Variants in TTC7B observed in about 807,000 individuals in gnomAD.
The protein encoded by TTC7B is tetratricopeptide repeat protein 7B.
TTC7B carries 28 observed loss-of-function variants against 106.8 expected under a neutral mutation model. That is an observed-to-expected ratio of 0.26 (90% CI 0.19 to 0.36). The LOEUF (loss-of-function observed/expected upper bound fraction) is 0.36. Among genes scored for constraint, TTC7B ranks in the 10% least tolerant of loss-of-function variants. The probability of loss-of-function intolerance (pLI) is 1.00; values close to 1 mark genes in which losing one functional copy is unlikely to be tolerated. For synonymous variants in TTC7B, 405 were observed against 430.6 expected, an observed-to-expected ratio of 0.94 and a Z score of 0.74; for missense variants, 862 against 1,076.4, an observed-to-expected ratio of 0.80 and a Z score of 2.79.
Position 90,538,479 on chromosome 14 carries a change from G to A in TTC7B, c.*2889C>T, listed in dbSNP as rs1448170173. On this transcript the variant is annotated 3_prime_UTR_variant, in exon 20 of 20. Transcript: ENST00000328459. The stretch of plus-strand genomic sequence containing the variant: ...AGAGTCTGGTTCCAGGCAAGGGCTT[G>A]AGAAGCCATCAGGGGTTTATAGAGA... The A allele has an allele frequency of 6.6e-6, 1 of 152,434 alleles. No individual in the cohort carries two copies. The highest frequency in any genetic ancestry group is 2.1e-4 in the South Asian group (1 of 4,834). 9.4% of individuals were successfully genotyped at this position (152,434 alleles called of 1,614,324 possible).
intron 1 of TTC7B, among the ~76,000 whole-genome samples, chr14:90,786,806 C>A (rs1270806685): frequency 6.6e-6 from 1 of 152,142 alleles, no homozygotes; most frequent in African/African-American, 2.4e-5. Flanking sequence ...GTCTCAAACT[C>A]CTGACCTCAG....
intron 1 of TTC7B, among the ~76,000 whole-genome samples, chr14:90,798,728 AAAAAC>A (rs1400234938): frequency 2.0e-5 from 3 of 150,488 alleles, no homozygotes; most frequent in African/African-American, 7.4e-5. Context: ...AAAAAAAAAA[AAAAAC>A]ACGCAATAAC....
intron 3 of TTC7B, among the ~76,000 whole-genome samples, chr14:90,766,009 A>AC (rs1890663682): frequency 6.6e-6 from 1 of 152,128 alleles, no homozygotes; most frequent in African/African-American, 2.4e-5. Flanking sequence ...AAAGGCAACT[A>AC]CATACATGGG....
chr14:90,558,378 A>G (rs1890415019), intron 19 of TTC7B, among the ~76,000 whole-genome samples: 2 of 152,234 alleles, frequency 1.3e-5, no homozygotes, highest in African/African-American at 4.8e-5. Flanking sequence ...GCTCTGCTTT[A>G]GGGCTGCGCC....
intron 3 of TTC7B, among the ~76,000 whole-genome samples, chr14:90,769,788 A>T (rs1330137085): frequency 6.6e-6 from 1 of 152,162 alleles, no homozygotes; most frequent in Non-Finnish European, 1.5e-5. Context: ...AAACAAAAAG[A>T]TATTCATGCA....
At chr14:90,690,513 G>A (rs771139782) in intron 6 of TTC7B, among the ~76,000 whole-genome samples, 1 of 152,118 alleles carries the variant, frequency 6.6e-6, no homozygotes, top group Admixed American at 6.5e-5. Flanking sequence ...AAGAATGTGT[G>A]GTATGTACTA....
chr14:90,680,385 A>C, intron 8 of TTC7B, 87 bp downstream of exon 8: 1 of 991,374 alleles, frequency 1.0e-6, no homozygotes, highest in Non-Finnish European at 1.6e-6. Flanking sequence ...CTTAAGAAAA[A>C]GAGTCATGAT....
intron 1 of TTC7B, among the ~76,000 whole-genome samples, chr14:90,787,206 T>A (rs1298056365): frequency 6.6e-6 from 1 of 152,178 alleles, no homozygotes. Context: ...CATGAAGCTT[T>A]TACTCCCGAG....
intron 15 of TTC7B, among the ~76,000 whole-genome samples, chr14:90,625,625 C>A (rs780569423): frequency 6.6e-6 from 1 of 152,178 alleles, no homozygotes; most frequent in East Asian, 1.9e-4. Flanking sequence ...CAGCTGTGCA[C>A]GTCCTGGAGC....
intron 15 of TTC7B, among the ~76,000 whole-genome samples, chr14:90,623,756 C>T (rs1000245919): frequency 1.3e-5 from 2 of 152,216 alleles, no homozygotes; most frequent in African/African-American, 4.8e-5. Context: ...CGCTGTGGCT[C>T]ACGCCTGTTG....
intron 4 of TTC7B, among the ~76,000 whole-genome samples, chr14:90,734,235 A>G (rs1889431545): frequency 6.6e-6 from 1 of 152,116 alleles, no homozygotes. Context: ...CCTGGCCAAC[A>G]TGGCAAAACC....
At chr14:90,704,320 C>T (rs551979502) in intron 5 of TTC7B, among the ~76,000 whole-genome samples, 4 of 152,174 alleles carry the variant, frequency 2.6e-5, no homozygotes, top group South Asian at 2.1e-4. Context: ...GAATCTGAAC[C>T]GGTTTCTACG....
At chr14:90,646,408 C>A (rs766356622) in intron 14 of TTC7B, among the ~76,000 whole-genome samples, 1 of 152,244 alleles carries the variant, frequency 6.6e-6, no homozygotes, top group African/African-American at 2.4e-5. Context: ...ACTTGCCCCT[C>A]CCGCAAGGAG....
chr14:90,710,865 C>A (rs1015627320), intron 5 of TTC7B, among the ~76,000 whole-genome samples: 1 of 152,164 alleles, frequency 6.6e-6, no homozygotes, highest in Non-Finnish European at 1.5e-5. Flanking sequence ...CCAAAAAATT[C>A]ATGTGACTTG....
At chr14:90,799,574 T>C (rs954929673) in intron 1 of TTC7B, among the ~76,000 whole-genome samples, 3 of 152,138 alleles carry the variant, frequency 2.0e-5, no homozygotes, top group Non-Finnish European at 4.4e-5. Context: ...GAGTCAGTCA[T>C]GCCCAGATCT....
At chr14:90,665,224 C>A (rs557416419) in intron 9 of TTC7B, among the ~76,000 whole-genome samples, 1 of 152,160 alleles carries the variant, frequency 6.6e-6, no homozygotes, top group South Asian at 2.1e-4. Flanking sequence ...TAGGTCCATT[C>A]GCTGTAATCA....
chr14:90,720,134 C>T (rs1234638518), intron 5 of TTC7B, among the ~76,000 whole-genome samples: 3 of 151,968 alleles, frequency 2.0e-5, no homozygotes, highest in Non-Finnish European at 4.4e-5. Flanking sequence ...AGACTGGACG[C>T]CCCTGACTAA....
Position 90,577,709 on chromosome 14 carries a change from C to T in TTC7B, c.2310+397G>A, listed in dbSNP as rs1262274847. 6.6e-6 allele frequency among the ~76,000 whole-genome samples: 1 copy of T among 152,184 alleles called. No homozygotes were observed. The highest frequency in any genetic ancestry group is 1.5e-5 in the Non-Finnish European group (1 of 68,040). On this transcript the variant is annotated intron_variant, in intron 19 of 19. Transcript: ENST00000328459. The surrounding 1 kb of genome is among the most constrained non-coding windows in gnomAD (Gnocchi z 5.0). Reference sequence around the variant, plus strand: ...CCAGTTTGTAAAGTGTTCTGACTGTCATCCTGAAGTCTCCCCGGGATGTGG... The same window carrying T: ...CCAGTTTGTAAAGTGTTCTGACTGTTATCCTGAAGTCTCCCCGGGATGTGG...
chr14:90,641,015 A>G (rs966693920), intron 15 of TTC7B, among the ~76,000 whole-genome samples: 12 of 152,202 alleles, frequency 7.9e-5, no homozygotes, highest in African/African-American at 2.9e-4. Context: ...GCTTCTCCAG[A>G]GTAGTGAGCC....
Sources: allele counts gnomAD v4.1 joint callset (sites outside exome capture counted in the v4.1 genomes callset), GRCh38; gene constraint gnomAD v4.1.1; non-coding constraint Gnocchi (gnomAD v3.1); transcripts MANE v1.5; gene names NCBI Gene and HGNC (gene_info 2026-07-23, HGNC 2026-07-21).